Variants in MACROD2 observed in about 807,000 individuals in gnomAD.
MACROD2 encodes mono-ADP ribosylhydrolase 2.
MACROD2 carries 36 observed loss-of-function variants against 70.4 expected under a neutral mutation model. The observed-to-expected ratio is 0.51, with a 90% confidence interval of 0.39 to 0.68. The LOEUF (loss-of-function observed/expected upper bound fraction) is 0.68, where lower values mean the gene tolerates loss of function less well. Among genes scored for constraint, MACROD2 ranks in the 30% least tolerant of loss-of-function variants. The pLI is 0.00. For synonymous variants in MACROD2, 172 were observed against 178.8 expected (o/e 0.96, Z 0.30); for missense variants, 496 against 538.4 (o/e 0.92, Z 0.78).
At chr20:14,322,295 A>G (rs1270864514) in intron 3 of MACROD2, among the ~76,000 whole-genome samples, 2 of 148,988 alleles carry the variant, frequency 1.3e-5, no homozygotes, top group Non-Finnish European at 3.0e-5. Context: ...CTAGTATAAA[A>G]CATGTTTCTG....
chr20:14,215,381 C>T (rs1306047691), intron 3 of MACROD2, among the ~76,000 whole-genome samples: 1 of 146,124 alleles, frequency 6.8e-6, no homozygotes, highest in African/African-American at 2.5e-5. Context: ...CACACACACA[C>T]CACAGTTTCT....
intron 15 of MACROD2, among the ~76,000 whole-genome samples, chr20:16,022,975 C>T (rs926070434): frequency 1.3e-5 from 2 of 152,170 alleles, no homozygotes; most frequent in Admixed American, 6.5e-5. Context: ...GAGCTAATGA[C>T]TCATTTTGTA....
At chr20:14,625,584 G>A (rs1984100102) in intron 4 of MACROD2, among the ~76,000 whole-genome samples, 1 of 152,128 alleles carries the variant, frequency 6.6e-6, no homozygotes, top group South Asian at 2.1e-4. Flanking sequence ...GTCCATGAAT[G>A]GGCCATATGG....
chr20:14,074,672 C>T (rs182254300), intron 2 of MACROD2, among the ~76,000 whole-genome samples: 89 of 152,152 alleles, frequency 5.8e-4, no homozygotes, highest in Middle Eastern at 6.8e-3. Context: ...GTGAGGTCTC[C>T]CTGTTCTGTT....
intron 5 of MACROD2, among the ~76,000 whole-genome samples, chr20:15,093,684 C>T (rs942045437): frequency 1.2e-4 from 18 of 152,008 alleles, no homozygotes; most frequent in African/African-American, 2.9e-4. Flanking sequence ...TTCTCAGAAC[C>T]TTTAATATTC....
intron 3 of MACROD2, among the ~76,000 whole-genome samples, chr20:14,268,006 C>T (rs573388821): frequency 1.2e-4 from 19 of 152,072 alleles, no homozygotes; most frequent in South Asian, 2.1e-4. Flanking sequence ...TGAACTGTAA[C>T]ATAATTAACA....
At chr20:14,932,783 G>C (rs994099396) in intron 5 of MACROD2, among the ~76,000 whole-genome samples, 19 of 152,022 alleles carry the variant, frequency 1.2e-4, no homozygotes, top group African/African-American at 4.1e-4. Flanking sequence ...GGCCAGGCTA[G>C]TCTCAAACTC....
intron 3 of MACROD2, among the ~76,000 whole-genome samples, chr20:14,412,035 A>AT (rs1451781056): frequency 2.6e-5 from 4 of 152,118 alleles, no homozygotes; most frequent in East Asian, 1.9e-4. Context: ...TCATTAATGT[A>AT]TTTTTTCCCC....
chr20:15,632,938 C>T (rs1299325523), intron 8 of MACROD2, among the ~76,000 whole-genome samples: 1 of 151,124 alleles, frequency 6.6e-6, no homozygotes, highest in Admixed American at 6.6e-5. Context: ...TTCTTTCTTC[C>T]TTCCTCCCCT....
At chr20:14,172,907 G>A (rs2081234495) in intron 3 of MACROD2, among the ~76,000 whole-genome samples, 1 of 152,128 alleles carries the variant, frequency 6.6e-6, no homozygotes, top group Non-Finnish European at 1.5e-5. Context: ...ATGAAGCTTA[G>A]TTTCACTGGA....
At chr20:15,904,594 T>TAAGA (rs535549206) in intron 10 of MACROD2, among the ~76,000 whole-genome samples, 4 of 151,450 alleles carry the variant, frequency 2.6e-5, no homozygotes, top group East Asian at 2.0e-4. Flanking sequence ...AAGAAGACAG[T>TAAGA]AAGAAAGAAA....
chr20:15,927,738 A>G (rs2065512290), intron 10 of MACROD2, among the ~76,000 whole-genome samples: 1 of 152,214 alleles, frequency 6.6e-6, no homozygotes, highest in African/African-American at 2.4e-5. Context: ...CAACATGGAA[A>G]CTTTTCTAAG....
At chr20:15,728,653 C>A (rs1302705577) in intron 8 of MACROD2, among the ~76,000 whole-genome samples, 1 of 152,034 alleles carries the variant, frequency 6.6e-6, no homozygotes, top group Middle Eastern at 3.2e-3. Context: ...AAAAATTTAT[C>A]CATTTCTTCT....
At chr20:14,017,817 G>A (rs2053016157) in intron 2 of MACROD2, among the ~76,000 whole-genome samples, 1 of 152,070 alleles carries the variant, frequency 6.6e-6, no homozygotes, top group African/African-American at 2.4e-5. Flanking sequence ...GGATGAATTA[G>A]GAAGTATTCT....
intron 8 of MACROD2, among the ~76,000 whole-genome samples, chr20:15,763,265 C>T (rs995486409): frequency 1.3e-5 from 2 of 152,172 alleles, no homozygotes; most frequent in African/African-American, 2.4e-5. Flanking sequence ...ATCCTGATTG[C>T]GCTCAGTGGC....
At chr20:14,897,389 G>T (rs2073843334) in intron 5 of MACROD2, among the ~76,000 whole-genome samples, 2 of 151,816 alleles carry the variant, frequency 1.3e-5, no homozygotes, top group African/African-American at 2.4e-5. Context: ...ATACTTTTCT[G>T]GTCAATTTTA....
chr20:15,847,126 T>A (rs889978763), intron 8 of MACROD2, among the ~76,000 whole-genome samples: 2 of 152,130 alleles, frequency 1.3e-5, no homozygotes, highest in African/African-American at 4.8e-5. Flanking sequence ...TTTCCAAATA[T>A]TTTTTACAGC....
chr20:15,077,952 A>C (rs534286389), intron 5 of MACROD2, among the ~76,000 whole-genome samples: 3 of 152,106 alleles, frequency 2.0e-5, no homozygotes, highest in Admixed American at 2.0e-4. Flanking sequence ...AGGCATTCTC[A>C]GAAAGCTCAC....
At chr20:14,425,013 C>CA (rs1319049185) in intron 3 of MACROD2, among the ~76,000 whole-genome samples, 1 of 152,128 alleles carries the variant, frequency 6.6e-6, no homozygotes, top group East Asian at 1.9e-4. Context: ...GTTCGGGTTC[C>CA]AACCATCTTT....
Sources: allele counts gnomAD v4.1 joint callset (sites outside exome capture counted in the v4.1 genomes callset), GRCh38; gene constraint gnomAD v4.1.1; transcripts MANE v1.5; gene names NCBI Gene and HGNC (gene_info 2026-07-23, HGNC 2026-07-21).